Variants in DPH6 observed in about 807,000 individuals in gnomAD.
The protein encoded by DPH6 is diphthine--ammonia ligase.
Under a neutral mutation model 38.2 loss-of-function variants are expected in DPH6, and 33 were observed. The ratio of observed to expected loss-of-function variants is 0.86; its 90% CI spans 0.65 to 1.15. The LOEUF (loss-of-function observed/expected upper bound fraction) is 1.15. Among genes scored for constraint, DPH6 ranks in the 50% most tolerant of loss-of-function variants. The pLI is 0.00. For missense variants in DPH6, 325 were observed against 320.0 expected, an observed-to-expected ratio of 1.02 and a Z score of -0.12; for synonymous variants, 108 against 103.0, an observed-to-expected ratio of 1.05 and a Z score of -0.30.
intron 5 of DPH6, among the ~76,000 whole-genome samples, chr15:35,438,561 T>A (rs188754429): frequency 1.3e-5 from 2 of 152,312 alleles, no homozygotes; most frequent in East Asian, 3.9e-4. Flanking sequence ...AGGGCCCCAT[T>A]TGGAGGCCAA....
chr15:35,177,035 T>G, the DPH6 span, among the ~76,000 whole-genome samples: 1 of 151,998 alleles, frequency 6.6e-6, no homozygotes, highest in Admixed American at 6.6e-5. Context: ...GTATTTGTAT[T>G]TGCCAATGAA....
At chr15:35,246,395 A>G (rs1453126261) in intron 3 of DPH6, among the ~76,000 whole-genome samples, 1 of 152,168 alleles carries the variant, frequency 6.6e-6, no homozygotes, top group African/African-American at 2.4e-5. Flanking sequence ...ACATATTCTT[A>G]CGGAGGATGA....
intron 6 of DPH6, among the ~76,000 whole-genome samples, chr15:35,389,700 C>G (rs1819849865): frequency 6.6e-6 from 1 of 152,070 alleles, no homozygotes; most frequent in South Asian, 2.1e-4. Flanking sequence ...CTTGGTAGAT[C>G]TTCCTCCATC....
chr15:35,381,329 A>G (rs2052861680), intron 7 of DPH6, among the ~76,000 whole-genome samples: 1 of 152,220 alleles, frequency 6.6e-6, no homozygotes, highest in Non-Finnish European at 1.5e-5. Context: ...ACCATCAACT[A>G]AATTCATTTA....
chr15:35,533,466 G>A (rs2055118377), intron 3 of DPH6, among the ~76,000 whole-genome samples: 1 of 151,954 alleles, frequency 6.6e-6, no homozygotes, highest in Non-Finnish European at 1.5e-5. Flanking sequence ...AATACAACTG[G>A]GAGCCATCCC....
intron 6 of DPH6, among the ~76,000 whole-genome samples, chr15:35,406,848 A>G (rs1380008329): frequency 1.3e-5 from 2 of 152,036 alleles, no homozygotes; most frequent in African/African-American, 4.8e-5. Flanking sequence ...CATGTCTGAA[A>G]CACAGGAAAA....
rs548279404 is a variant in DPH6 at position 35,241,000 on chromosome 15, C to T, written n.201-20418G>A. Reference sequence around the variant, plus strand: ...GAACTTCCAAACGCCTGAACCGCAGCGGCCAGGTGTTCCTCCAGAACCTCC... The same window carrying T: ...GAACTTCCAAACGCCTGAACCGCAGTGGCCAGGTGTTCCTCCAGAACCTCC... On this transcript the variant is annotated intron_variant and non_coding_transcript_variant, in intron 3 of 3. Transcript: ENST00000560386. Among the ~76,000 whole-genome samples the T allele has an allele frequency of 5.8e-4, 83 of 143,508 alleles. 11 individuals carry two copies. The East Asian group carries it at 0.013, about 23-fold the overall frequency. The allele number at this position is 143,508 out of a possible 152,430, so 94.1% of individuals were successfully genotyped here.
intron 3 of DPH6, among the ~76,000 whole-genome samples, chr15:35,282,269 C>A (rs892464670): frequency 1.6e-4 from 25 of 152,006 alleles, no homozygotes; most frequent in East Asian, 7.7e-4. Context: ...ACTCCTGGGC[C>A]CAAGCAATCC....
chr15:35,179,767 A>T, the DPH6 span, among the ~76,000 whole-genome samples: 1 of 152,178 alleles, frequency 6.6e-6, no homozygotes, highest in African/African-American at 2.4e-5. Flanking sequence ...GAATGAGATG[A>T]GAGGATGGGA....
At chr15:35,533,008 G>A (rs895288045) in intron 3 of DPH6, among the ~76,000 whole-genome samples, 6 of 151,870 alleles carry the variant, frequency 4.0e-5, no homozygotes, top group Admixed American at 6.6e-5. Flanking sequence ...TCAGGAGGCT[G>A]AAGCAGGAGA....
the DPH6 span, among the ~76,000 whole-genome samples, chr15:35,151,456 G>T: frequency 2.0e-5 from 3 of 152,242 alleles, no homozygotes; most frequent in Admixed American, 1.3e-4. Flanking sequence ...CTCAAATAAT[G>T]TAGTTTTGTT....
intron 3 of DPH6, among the ~76,000 whole-genome samples, chr15:35,516,368 T>C (rs563615992): frequency 2.6e-5 from 4 of 152,354 alleles, no homozygotes; most frequent in African/African-American, 9.6e-5. Flanking sequence ...ATAGTTAATA[T>C]TTATTGATGC....
chr15:35,450,717 A>T lies in DPH6; in HGVS notation c.473T>A (p.Ile158Asn). The T allele has an allele frequency of 6.2e-7, 1 of 1,613,350 alleles. No homozygotes were observed. Among genetic ancestry groups the T allele is most frequent in the Non-Finnish European group, 8.5e-7 (1 of 1,179,672 alleles). Residue 158 changes from isoleucine to asparagine, a missense_variant, in exon 5 of 9, where the codon ATT (isoleucine) becomes AAT (asparagine). Ile to Asn is a moderately radical substitution (Grantham distance 149). Transcript: ENST00000256538. ...TGCTACTTTGATGATCATTGCTTGA[A>T]TGTTAGATGATATCATCTCTCTGAG... ...DLLREMISSN[I>N]QAMIIKVAAL... is the part of the protein sequence containing the mutation.
chr15:35,482,204 T>C (rs79719887), intron 3 of DPH6, among the ~76,000 whole-genome samples: 2 of 152,176 alleles, frequency 1.3e-5, no homozygotes, highest in South Asian at 4.1e-4. Context: ...AAAAAACCAG[T>C]GACTCATCTA....
chr15:35,480,733 A>C (rs2054316372), intron 3 of DPH6, among the ~76,000 whole-genome samples: 1 of 152,044 alleles, frequency 6.6e-6, no homozygotes, highest in Non-Finnish European at 1.5e-5. Flanking sequence ...TAGTCTTTAA[A>C]ATATAATTTT....
At chr15:35,367,413 A>T (rs1012009011), downstream of DPH6, among the ~76,000 whole-genome samples, 3 of 151,890 alleles carry the variant, frequency 2.0e-5, no homozygotes, top group African/African-American at 7.2e-5. Context: ...AGTTGCAAGT[A>T]AAAGTCTGAT....
chr15:35,250,327 G>A (rs1236290128), intron 3 of DPH6, among the ~76,000 whole-genome samples: 1 of 152,162 alleles, frequency 6.6e-6, no homozygotes, highest in Non-Finnish European at 1.5e-5. Flanking sequence ...TCCCACAACA[G>A]AGAAGAGAGG....
chr15:35,265,561 G>C (rs976508504), intron 3 of DPH6, among the ~76,000 whole-genome samples: 2 of 152,166 alleles, frequency 1.3e-5, no homozygotes, highest in African/African-American at 4.8e-5. Flanking sequence ...GTCCTCCTCT[G>C]CTACACTGTA....
At chr15:35,380,958 CATGAATATTGCATATGGTA>C (rs2052856817) in intron 7 of DPH6, among the ~76,000 whole-genome samples, 1 of 152,242 alleles carries the variant, frequency 6.6e-6, no homozygotes, top group Admixed American at 6.5e-5. Flanking sequence ...AGCAAGAGTG[CATGAATATTGCATATGGTA>C]ATGAAAATGT....
Sources: gnomAD v4.1 joint callset for allele counts (sites outside exome capture counted in the v4.1 genomes callset) on GRCh38, gnomAD v4.1.1 for gene constraint, MANE v1.5 for transcripts, NCBI Gene and HGNC (gene_info 2026-07-23, HGNC 2026-07-21) for gene names.